Variants in RARB observed in about 807,000 individuals in gnomAD.
RARB encodes retinoic acid receptor beta, also known as HBV-activated protein.
A neutral mutation model predicts 51.9 loss-of-function variants in RARB; 17 were observed. The ratio of observed to expected loss-of-function variants is 0.33; its 90% confidence interval spans 0.22 to 0.49. The LOEUF is 0.49. Among genes scored for constraint, RARB ranks in the 20% least tolerant of loss-of-function variants. The pLI is 0.99. For synonymous variants in RARB, 215 were observed against 195.4 expected (o/e 1.10, Z -0.84); for missense variants, 369 against 550.8 (o/e 0.67, Z 3.30).
At chr3:25,593,803 T>C in intron 6 of RARB, 96 bp downstream of exon 6, 1 of 1,242,848 alleles carries the variant, frequency 8.0e-7, no homozygotes, top group East Asian at 2.5e-5. Context: ...TGGAGTTGTT[T>C]TACATGGGAA....
intron 2 of RARB, among the ~76,000 whole-genome samples, chr3:24,977,636 G>C (rs1259352488): frequency 6.6e-6 from 1 of 151,764 alleles, no homozygotes. Flanking sequence ...TTGCTTATCA[G>C]CTTAAGAAGA....
chr3:24,925,855 T>G lies in RARB; in HGVS notation c.-380+67103T>G, dbSNP rs540672329. 2.0e-4 allele frequency among the ~76,000 whole-genome samples: 30 copies of G among 152,136 alleles called. No homozygotes were observed. In the South Asian group the frequency reaches 6.2e-3, roughly 32 times the overall value. On this transcript the variant is annotated intron_variant, in intron 2 of 11. Transcript: ENST00000383772. The stretch of plus-strand genomic sequence containing the variant: ...TTATTCTATAATCTCATCCCAATTT[T>G]CTCAACCTTCCCATTTGTGGGCTTG...
chr3:24,903,695 C>T (rs139500217), intron 2 of RARB, among the ~76,000 whole-genome samples: 1 of 152,126 alleles, frequency 6.6e-6, no homozygotes, highest in Non-Finnish European at 1.5e-5. Flanking sequence ...TCTTGATGTT[C>T]AAGTGGAAAG....
At chr3:25,271,526 T>C (rs34820979) in intron 5 of RARB, among the ~76,000 whole-genome samples, 15,416 of 152,246 alleles carry the variant, frequency 0.1, 1,000 homozygotes, top group South Asian at 0.26. Context: ...TGAGTTGATA[T>C]TGGCATACAA....
chr3:25,507,303 C>T (rs1353946836), intron 3 of RARB, among the ~76,000 whole-genome samples: 4 of 118,178 alleles, frequency 3.4e-5, no homozygotes, highest in South Asian at 3.6e-4. Context: ...CATCTTCTCC[C>T]TGGCTTTACT....
At chr3:25,422,079 T>C (rs1236397139) in intron 5 of RARB, among the ~76,000 whole-genome samples, 1 of 152,244 alleles carries the variant, frequency 6.6e-6, no homozygotes, top group Non-Finnish European at 1.5e-5. Context: ...GAACTCATTT[T>C]TAATTGTTTA....
intron 5 of RARB, among the ~76,000 whole-genome samples, chr3:25,288,849 C>T (rs1009142824): frequency 2.0e-5 from 3 of 151,970 alleles, no homozygotes; most frequent in Non-Finnish European, 4.4e-5. Flanking sequence ...ATCTTCATTC[C>T]ACTTGTTCTC....
chr3:25,514,110 A>G (rs1050657047), intron 3 of RARB, among the ~76,000 whole-genome samples: 1 of 152,190 alleles, frequency 6.6e-6, no homozygotes, highest in African/African-American at 2.4e-5. Flanking sequence ...TTCTGGAGCA[A>G]TGAACATGGC....
intron 5 of RARB, chr3:25,259,067 G>A: frequency 1.0e-6 from 1 of 985,228 alleles, no homozygotes; most frequent in Non-Finnish European, 1.2e-6. Context: ...ACATACTTCA[G>A]TATGAGAAAC....
chr3:25,521,704 T>C (rs1167333185), intron 3 of RARB, among the ~76,000 whole-genome samples: 1 of 152,164 alleles, frequency 6.6e-6, no homozygotes, highest in Non-Finnish European at 1.5e-5. Flanking sequence ...TGGGTGGCCA[T>C]GGGCAAGTCA....
At chr3:25,042,678 T>A (rs1013026154) in intron 2 of RARB, among the ~76,000 whole-genome samples, 5 of 152,242 alleles carry the variant, frequency 3.3e-5, no homozygotes, top group African/African-American at 9.6e-5. Flanking sequence ...AACACACTTA[T>A]AACGATGTAA....
At chr3:25,546,383 G>A (rs1177303957) in intron 3 of RARB, among the ~76,000 whole-genome samples, 1 of 152,174 alleles carries the variant, frequency 6.6e-6, no homozygotes, top group African/African-American at 2.4e-5. Context: ...GGCAGAGAGA[G>A]TGTGAGGAGG....
At chr3:24,999,869 C>T (rs1323611781) in intron 2 of RARB, among the ~76,000 whole-genome samples, 1 of 152,134 alleles carries the variant, frequency 6.6e-6, no homozygotes, top group Admixed American at 6.5e-5. Flanking sequence ...CCCCAGACAA[C>T]TCCAGGATTA....
intron 2 of RARB, among the ~76,000 whole-genome samples, chr3:24,924,649 C>T (rs1695280622): frequency 6.6e-6 from 1 of 152,114 alleles, no homozygotes; most frequent in Non-Finnish European, 1.5e-5. Flanking sequence ...ATATGTAATA[C>T]TATTGATGTC....
At chr3:25,122,403 A>T (rs1251547538) in intron 3 of RARB, among the ~76,000 whole-genome samples, 1 of 151,986 alleles carries the variant, frequency 6.6e-6, no homozygotes, top group Non-Finnish European at 1.5e-5. Context: ...AAATTGAATC[A>T]TTAGCTATTT....
In RARB at chr3:25,593,632, G is replaced by A; in HGVS notation, c.916G>A (p.Ala306Thr). 6.2e-7 allele frequency: 1 copy of A among 1,614,090 alleles called. No homozygotes were observed. The highest frequency in any genetic ancestry group is 8.5e-7 in the Non-Finnish European group (1 of 1,179,988). The stretch of plus-strand genomic sequence containing the variant: ...TCTGACTGACCTTGTGTTCACCTTT[G>A]CCAACCAGCTCCTGCCTTTGGAAAT... ...GPLTDLVFTF[A>T]NQLLPLEMDD... The change falls in exon 6 of 8, where the codon GCC becomes ACC. Residue 306 changes from alanine (A) to threonine (T), a missense_variant. This residue lies in a region of RARB where 76 missense variants were observed against 153.3 expected (regional missense o/e 0.50). Transcript: ENST00000330688.
chr3:25,274,899 C>G (rs1400974357), intron 5 of RARB, among the ~76,000 whole-genome samples: 1 of 152,062 alleles, frequency 6.6e-6, no homozygotes, highest in Non-Finnish European at 1.5e-5. Context: ...TCACCAAGCT[C>G]AACAGCAATG....
intron 5 of RARB, among the ~76,000 whole-genome samples, chr3:25,382,273 C>A (rs114514477): frequency 0.02 from 3,047 of 152,286 alleles, 58 homozygotes; most frequent in African/African-American, 0.048. Context: ...ATCAGGACAA[C>A]TAGCAATAAA....
intron 2 of RARB, among the ~76,000 whole-genome samples, chr3:24,981,279 T>G (rs1413580354): frequency 6.6e-6 from 1 of 152,176 alleles, no homozygotes; most frequent in East Asian, 1.9e-4. Flanking sequence ...AACGCCATGT[T>G]GGGAGAACCA....
Sources: allele counts gnomAD v4.1 joint callset (sites outside exome capture counted in the v4.1 genomes callset), GRCh38; gene constraint gnomAD v4.1.1; regional missense constraint gnomAD v4.1.1; transcripts MANE v1.5; gene names NCBI Gene and HGNC (gene_info 2026-07-23, HGNC 2026-07-21).